EIF4EBP2: variants seen among roughly 807,000 people sequenced by gnomAD.
EIF4EBP2 encodes the protein eukaryotic translation initiation factor 4E-binding protein 2.
EIF4EBP2 carries 5 observed loss-of-function variants against 10.3 expected under a neutral mutation model. The observed-to-expected ratio is 0.48, with a 90% CI of 0.25 to 1.02. The LOEUF is 1.02. EIF4EBP2 is among the 50% of genes least tolerant of loss of function. EIF4EBP2 has a pLI of 0.15. For missense variants in EIF4EBP2, 188 were observed against 162.2 expected, an observed-to-expected ratio of 1.16 and a Z score of -0.86; for synonymous variants, 67 against 61.1, an observed-to-expected ratio of 1.10 and a Z score of -0.45.
chr10:70,412,703 GT>G (rs1845058687), intron 1 of EIF4EBP2, among the ~76,000 whole-genome samples: 1 of 152,032 alleles, frequency 6.6e-6, no homozygotes, highest in African/African-American at 2.4e-5. Context: ...GGTAGATAGG[GT>G]TTTTCCCCCC....
rs1845161171 is a variant in EIF4EBP2 at position 70,421,906 on chromosome 10, A to G, written c.*159A>G. 3.2e-6 allele frequency: 2 copies of G among 632,446 alleles called. No homozygotes were observed. 39.2% of individuals were successfully genotyped at this position (632,446 alleles called of 1,614,324 possible). ...TTCCTCTGGGTGCCAAATGATGGGA[A>G]GATGAGCTTCATCTGACCATTTCTT... On this transcript the variant is annotated 3_prime_UTR_variant, in exon 3 of 3. Coordinates refer to ENST00000373218, the MANE Select transcript of EIF4EBP2 (RefSeq NM_004096.5).
chr10:70,414,377 T>C (rs1284748951), intron 1 of EIF4EBP2, among the ~76,000 whole-genome samples: 2 of 152,224 alleles, frequency 1.3e-5, no homozygotes, highest in Non-Finnish European at 2.9e-5. Flanking sequence ...AATACTATAC[T>C]TTCATAGTCA....
chr10:70,404,610 C>T, intron 1 of EIF4EBP2, 64 bp downstream of exon 1: 3 of 1,446,348 alleles, frequency 2.1e-6, no homozygotes, highest in Non-Finnish European at 2.7e-6. Flanking sequence ...CTCCTCGGCG[C>T]CTCGGTGCCC....
chr10:70,421,438 C>G (rs1018298304), intron 2 of EIF4EBP2, among the ~76,000 whole-genome samples: 1 of 152,148 alleles, frequency 6.6e-6, no homozygotes, highest in Non-Finnish European at 1.5e-5. Flanking sequence ...AAAGAGCTCC[C>G]CAAGAGCTGC....
chr10:70,404,779 G>C (rs1844951547), intron 1 of EIF4EBP2, among the ~76,000 whole-genome samples: 1 of 152,218 alleles, frequency 6.6e-6, no homozygotes, highest in Non-Finnish European at 1.5e-5. Flanking sequence ...TCGCGAAAAA[G>C]AGCTCTTGTT....
intron 1 of EIF4EBP2, 25 bp downstream of exon 1, chr10:70,404,571 G>A (rs974907521): frequency 6.6e-7 from 1 of 1,514,832 alleles, no homozygotes; most frequent in South Asian, 1.3e-5. Context: ...GCCGTCCGCC[G>A]CGCCCGGTGT....
chr10:70,421,889 G>A lies in EIF4EBP2; in HGVS notation c.*142G>A. ...GTCTCCACCTCCCCGTCTTCCTCTG[G>A]GTGCCAAATGATGGGAAGATGAGCT... On this transcript the variant is annotated 3_prime_UTR_variant, in exon 3 of 3. Coordinates refer to ENST00000373218, the MANE Select transcript of EIF4EBP2 (RefSeq NM_004096.5). The A allele has an allele frequency of 1.4e-6, 1 of 690,372 alleles. No individual in the cohort carries two copies. The highest frequency in any genetic ancestry group is 2.5e-6 in the Non-Finnish European group (1 of 406,560). 42.8% of individuals were successfully genotyped at this position (690,372 alleles called of 1,614,324 possible). A position where few individuals can be genotyped will look rare whatever the true frequency, so the allele number is the denominator to read the frequency against.
chr10:70,425,141 C>T lies in EIF4EBP2; in HGVS notation c.*3394C>T, dbSNP rs939195496. The T allele has an allele frequency of 6.6e-6, 1 of 152,290 alleles. No individual in the cohort carries two copies. Among genetic ancestry groups the T allele is most frequent in the African/African-American group, 2.4e-5 (1 of 41,472 alleles). 9.4% of individuals were successfully genotyped at this position (152,290 alleles called of 1,614,324 possible). A position where few individuals can be genotyped will look rare whatever the true frequency, so the allele number is the denominator to read the frequency against. ...CTTTGTGGCCGTTGGCAGGATGCCT[C>T]AGTTTCTTCCCATGTGGGTCTCTGC... On this transcript the variant is annotated 3_prime_UTR_variant, in exon 3 of 3. Coordinates refer to ENST00000373218, the MANE Select transcript of EIF4EBP2 (RefSeq NM_004096.5).
intron 1 of EIF4EBP2, among the ~76,000 whole-genome samples, chr10:70,405,901 T>C (rs963292796): frequency 1.3e-5 from 2 of 152,128 alleles, no homozygotes; most frequent in African/African-American, 2.4e-5. Flanking sequence ...TTTAAGGAAA[T>C]GTTAACTTTG....
chr10:70,413,541 A>G (rs1325496359), intron 1 of EIF4EBP2, among the ~76,000 whole-genome samples: 2 of 149,932 alleles, frequency 1.3e-5, no homozygotes, highest in Admixed American at 1.3e-4. Context: ...CCAGGAGGTC[A>G]AGGTTGCAGT....
Position 70,404,162 on chromosome 10 carries a change from T to TCGC in EIF4EBP2, c.-236_-234dup, listed in dbSNP as rs1170517337. On this transcript the variant is annotated 5_prime_UTR_variant, in exon 1 of 3. Coordinates refer to ENST00000373218, the MANE Select transcript of EIF4EBP2 (RefSeq NM_004096.5). ...CTTCGCCCGCTTCCGGTCGTCGTCG[T>TCGC]CGCCGCTGCTGCCGCTGCTGTTGCT... Among the ~76,000 whole-genome samples, 1 of 152,134 alleles carries TCGC rather than the reference T, an allele frequency of 6.6e-6. No homozygotes were observed. Among genetic ancestry groups the TCGC allele is most frequent in the Non-Finnish European group, 1.5e-5 (1 of 67,966 alleles).
At chr10:70,405,253 T>G (rs140066769) in intron 1 of EIF4EBP2, among the ~76,000 whole-genome samples, 1 of 152,166 alleles carries the variant, frequency 6.6e-6, no homozygotes, top group Non-Finnish European at 1.5e-5. Context: ...CCTTTGGAAA[T>G]GGATTGAAGG....
At chr10:70,412,084 A>C (rs555298992) in intron 1 of EIF4EBP2, among the ~76,000 whole-genome samples, 92 of 152,024 alleles carry the variant, frequency 6.1e-4, no homozygotes, top group African/African-American at 2.2e-3. Flanking sequence ...TAGTTTCCCC[A>C]GTGTTTGGTC....
intron 1 of EIF4EBP2, among the ~76,000 whole-genome samples, chr10:70,408,350 G>A (rs986057797): frequency 7.9e-5 from 12 of 152,212 alleles, no homozygotes; most frequent in East Asian, 5.8e-4. Flanking sequence ...TTCTGACCTC[G>A]TGATCTGCCC....
At chr10:70,407,730 A>ACCCCCCCCCCCC (rs750558076) in intron 1 of EIF4EBP2, among the ~76,000 whole-genome samples, 1 of 103,580 alleles carries the variant, frequency 9.7e-6, no homozygotes, top group African/African-American at 4.5e-5. Flanking sequence ...CGGGGGGCTG[A>ACCCCCCCCCCCC]CCCCCCCCCC....
intron 1 of EIF4EBP2, among the ~76,000 whole-genome samples, chr10:70,406,720 C>T (rs914975550): frequency 1.3e-5 from 2 of 150,934 alleles, no homozygotes; most frequent in Admixed American, 6.6e-5. Context: ...AATTCATTAC[C>T]CCTCCTCCTA....
In EIF4EBP2 at chr10:70,427,759, C is replaced by T. The variant is rs768434086; in HGVS notation, c.*6012C>T. ...ACACATTTCCAAGGGTATTTAAACT[C>T]TCACTCTGCCACCTTTCTAAGGGTG... is the stretch of plus-strand genomic sequence containing the variant. On this transcript the variant is annotated 3_prime_UTR_variant, in exon 3 of 3. Coordinates refer to ENST00000373218, the MANE Select transcript of EIF4EBP2 (RefSeq NM_004096.5). 2 of 152,106 alleles carry T rather than the reference C, an allele frequency of 1.3e-5. No homozygotes were observed. The highest frequency in any genetic ancestry group is 4.8e-5 in the African/African-American group (2 of 41,410). The allele number at this position is 152,106 out of a possible 1,614,324, so 9.4% of individuals were successfully genotyped here.
At position 70,421,802 on chromosome 10, in the gene EIF4EBP2, A is replaced by G. The variant is rs1845160013; in HGVS notation, c.*55A>G. The stretch of plus-strand genomic sequence containing the variant: ...CAACACTGATACTTGTGTGCACCTG[A>G]TTTGGCCAATAGGATCAACAGTGAA... On this transcript the variant is annotated 3_prime_UTR_variant, in exon 3 of 3. Transcript: ENST00000373218. 1 of 1,566,234 alleles carries G rather than the reference A, an allele frequency of 6.4e-7. No homozygotes were observed. Among genetic ancestry groups the G allele is most frequent in the Non-Finnish European group, 8.8e-7 (1 of 1,139,424 alleles).
chr10:70,428,531 CCAG>C lies in EIF4EBP2; in HGVS notation c.*6788_*6790del. The C allele has an allele frequency of 6.6e-6, 1 of 152,310 alleles. No individual in the cohort carries two copies. Among genetic ancestry groups the C allele is most frequent in the African/African-American group, 2.4e-5 (1 of 41,566 alleles). 9.4% of individuals were successfully genotyped at this position (152,310 alleles called of 1,614,324 possible). A position where few individuals can be genotyped will look rare whatever the true frequency, so the allele number is the denominator to read the frequency against. On this transcript the variant is annotated 3_prime_UTR_variant, in exon 3 of 3. Transcript: ENST00000373218. ...TTTGTATTTTAACTATTCTTCCAAA[CCAG>C]CAGATGTTTGGAAATTAAGGAAAAA... is the stretch of plus-strand genomic sequence containing the variant.
Sources: allele counts gnomAD v4.1 joint callset (sites outside exome capture counted in the v4.1 genomes callset), GRCh38; gene constraint gnomAD v4.1.1; transcripts MANE v1.5; gene names NCBI Gene and HGNC (gene_info 2026-07-23, HGNC 2026-07-21).